Variants in ADAT1 observed in about 807,000 individuals in gnomAD.
ADAT1 encodes the protein tRNA-specific adenosine deaminase 1.
A neutral mutation model predicts 58.6 loss-of-function variants in ADAT1; 58 were observed. That is an observed-to-expected ratio of 0.99 (90% CI 0.80 to 1.23). The LOEUF (loss-of-function observed/expected upper bound fraction) is 1.23, where lower values mean the gene tolerates loss of function less well. Among genes scored for constraint, ADAT1 ranks in the 50% most tolerant of loss-of-function variants. The pLI, the probability that ADAT1 is intolerant of heterozygous loss-of-function variation, is 0.00. For missense variants in ADAT1, 741 were observed against 608.6 expected (o/e 1.22, Z -2.29); for synonymous variants, 254 against 220.8 (o/e 1.15, Z -1.33).
rs899807676 is a variant in ADAT1 at position 75,599,139 on chromosome 16, C to T, written c.*1077G>A. Reference sequence around the variant, plus strand: ...CTCTATCACCCAGGCTGGAGTGCAGCGGTACGATCTTTGCTCACCACTACC... The same window carrying T: ...CTCTATCACCCAGGCTGGAGTGCAGTGGTACGATCTTTGCTCACCACTACC... On this transcript the variant is annotated 3_prime_UTR_variant, in exon 10 of 10. Transcript: ENST00000564657. 3.9e-5 allele frequency: 38 copies of T among 962,376 alleles called. No homozygotes were observed. The highest frequency in any genetic ancestry group is 7.8e-5 in the African/African-American group (4 of 51,456). 59.6% of individuals were successfully genotyped at this position (962,376 alleles called of 1,614,324 possible). A position where few individuals can be genotyped will look rare whatever the true frequency, so the allele number is the denominator to read the frequency against.
At position 75,608,920 on chromosome 16, in the gene ADAT1, A is replaced by C; in HGVS notation, c.1112T>G (p.Leu371Ter). 6.2e-7 allele frequency: 1 copy of C among 1,614,250 alleles called. No individual in the cohort carries two copies. The highest frequency in any genetic ancestry group is 8.5e-7 in the Non-Finnish European group (1 of 1,180,044). ...CGCACTGCGGCTCTGTTCAAATAGT[A>C]AATCTGACTGCAGTATTTTTAATTC... ...VQELKILQSD[L>*]LFEQSRSAVQ... The change falls in exon 7 of 10, where the codon TTA (leucine) becomes TGA (stop). Residue 371 changes from leucine to a stop codon, truncating the protein, a stop_gained. Transcript: ENST00000564657. LOFTEE classifies it high-confidence loss of function.
intron 3 of ADAT1, among the ~76,000 whole-genome samples, chr16:75,619,400 T>C (rs1597141357): frequency 6.6e-6 from 1 of 151,980 alleles, no homozygotes; most frequent in East Asian, 1.9e-4. Flanking sequence ...TAGGTGTGCA[T>C]AGCTGTGCAC....
intron 8 of ADAT1, among the ~76,000 whole-genome samples, chr16:75,604,432 C>CA (rs869079388): frequency 0.012 from 96 of 7,936 alleles, 26 homozygotes; most frequent in African/African-American, 0.025. Flanking sequence ...GATTCTGTCT[C>CA]AAAAAAAAAA....
chr16:75,613,461 C>A (rs554025767), intron 5 of ADAT1, among the ~76,000 whole-genome samples: 3 of 152,250 alleles, frequency 2.0e-5, no homozygotes, highest in South Asian at 2.1e-4. Flanking sequence ...ATCACCACGA[C>A]TGGCTAATGT....
intron 9 of ADAT1, among the ~76,000 whole-genome samples, chr16:75,601,200 C>G (rs1034399840): frequency 2.0e-5 from 3 of 151,820 alleles, no homozygotes; most frequent in Non-Finnish European, 2.9e-5. Flanking sequence ...ATTAGCCGGG[C>G]GTGGTGGCAG....
chr16:75,599,783 A>T lies in ADAT1; in HGVS notation c.*433T>A, dbSNP rs1256376079. 1 of 992,672 alleles carries T rather than the reference A, an allele frequency of 1.0e-6. No homozygotes were observed. Among genetic ancestry groups the T allele is most frequent in the Non-Finnish European group, 1.2e-6 (1 of 834,380 alleles). The allele number at this position is 992,672 out of a possible 1,614,324, so 61.5% of individuals were successfully genotyped here. A position where few individuals can be genotyped will look rare whatever the true frequency, so the allele number is the denominator to read the frequency against. ...AGAATGGGAAAAGAATGGCTCCCTGAAGAAAGAAAGGCTGGGAATACAAAA... is the reference window on the plus strand; with the variant it reads ...AGAATGGGAAAAGAATGGCTCCCTGTAGAAAGAAAGGCTGGGAATACAAAA... On this transcript the variant is annotated 3_prime_UTR_variant, in exon 10 of 10. Transcript: ENST00000564657.
At chr16:75,621,833 C>A (rs2081937802) in intron 1 of ADAT1, among the ~76,000 whole-genome samples, 1 of 146,900 alleles carries the variant, frequency 6.8e-6, no homozygotes. Flanking sequence ...CTCATTTGGA[C>A]TCAATTATAC....
intron 7 of ADAT1, 58 bp from the exon 8 acceptor site, chr16:75,608,381 G>A: frequency 3.6e-6 from 5 of 1,388,284 alleles, no homozygotes; most frequent in Non-Finnish European, 5.1e-6. Context: ...AAAGTCAGAA[G>A]TATTTTAATA....
rs1455412448 is a variant in ADAT1, at chr16:75,598,948, C to A, written c.*1268G>T. 3 of 985,202 alleles carry A rather than the reference C, an allele frequency of 3.0e-6. No homozygotes were observed. Among genetic ancestry groups the A allele is most frequent in the African/African-American group, 1.7e-5 (1 of 57,208 alleles). 61.0% of individuals were successfully genotyped at this position (985,202 alleles called of 1,614,324 possible). ...AAGAACCAATAAGGACCTTGAGTAACCCCAACATGGGAGCTTCCATTTTCA... is the reference window on the plus strand; with the variant it reads ...AAGAACCAATAAGGACCTTGAGTAAACCCAACATGGGAGCTTCCATTTTCA... On this transcript the variant is annotated 3_prime_UTR_variant, in exon 10 of 10. Coordinates refer to ENST00000564657, the MANE Select transcript of ADAT1 (RefSeq NM_001324445.2).
rs1280978529 is a variant in ADAT1, at chr16:75,597,312, C to CAGAAGGCCATGTGA, written c.*2890_*2903dup. On this transcript the variant is annotated 3_prime_UTR_variant, in exon 10 of 10. Transcript: ENST00000564657. ...AAGAAGGCCATGCGAGACACAGACACAGAAGGCCATGTGAAGACGGAGGGA... is the reference window on the plus strand; with the variant it reads ...AAGAAGGCCATGCGAGACACAGACACAGAAGGCCATGTGAAGAAGGCCATGTGAAGACGGAGGGA... 3 of 432,276 alleles carry CAGAAGGCCATGTGA rather than the reference C, an allele frequency of 6.9e-6. No individual in the cohort carries two copies. The highest frequency in any genetic ancestry group is 3.6e-4 in the Middle Eastern group (1 of 2,752). 26.8% of individuals were successfully genotyped at this position (432,276 alleles called of 1,614,324 possible). A position where few individuals can be genotyped will look rare whatever the true frequency, so the allele number is the denominator to read the frequency against.
At chr16:75,600,445 T>C in intron 9 of ADAT1, 97 bp from the exon 10 acceptor site, 3 of 1,544,054 alleles carry the variant, frequency 1.9e-6, no homozygotes, top group Non-Finnish European at 1.7e-6. Flanking sequence ...AGACTTGTAA[T>C]GAGACTTAGG....
intron 6 of ADAT1, among the ~76,000 whole-genome samples, chr16:75,611,109 T>G (rs76398656): frequency 4.1e-4 from 63 of 152,248 alleles, no homozygotes; most frequent in Admixed American, 1.2e-3. Context: ...CAGTGAAACC[T>G]TGTCACTACA....
rs1461740605 is a variant in ADAT1 at position 75,608,257 on chromosome 16, G to C, written c.1256C>G (p.Thr419Arg). 3.1e-6 allele frequency: 5 copies of C among 1,614,066 alleles called. No individual in the cohort carries two copies. Among genetic ancestry groups the C allele is most frequent in the Non-Finnish European group, 4.2e-6 (5 of 1,179,976 alleles). Residue 419 changes from threonine (T) to arginine (R), a missense_variant, in exon 8 of 10, where the codon ACA becomes AGA. By Grantham distance (71) the Thr-to-Arg change is moderately conservative. Transcript: ENST00000564657. ...AAGGCTTCCAATTGTTTTCTTTGTTGTTCCCTGTGGAAAGCCATTGGCAGT... is the reference window on the plus strand; with the variant it reads ...AAGGCTTCCAATTGTTTTCTTTGTTCTTCCCTGTGGAAAGCCATTGGCAGT... ...DVTANGFPQG[T>R]TKKTIGSLQA...
intron 6 of ADAT1, among the ~76,000 whole-genome samples, chr16:75,609,444 G>A (rs2081459960): frequency 1.3e-5 from 2 of 151,948 alleles, no homozygotes; most frequent in Admixed American, 1.3e-4. Flanking sequence ...GCAACTGCAA[G>A]TACCAGAATA....
rs113188039 is a variant in ADAT1 at position 75,598,739 on chromosome 16, G to C, written c.*1477C>G. On this transcript the variant is annotated 3_prime_UTR_variant, in exon 10 of 10. Coordinates refer to ENST00000564657, the MANE Select transcript of ADAT1 (RefSeq NM_001324445.2). ...TCATCATGTTGGCCAGACTGGTCTC[G>C]AACTCCTGACCTCAGGTGATCTGCC... 7 of 235,690 alleles carry C rather than the reference G, an allele frequency of 3.0e-5. No individual in the cohort carries two copies. The highest frequency in any genetic ancestry group is 1.4e-5 in the Non-Finnish European group (2 of 145,136). The allele number at this position is 235,690 out of a possible 1,614,324, so 14.6% of individuals were successfully genotyped here. A position where few individuals can be genotyped will look rare whatever the true frequency, so the allele number is the denominator to read the frequency against.
intron 5 of ADAT1, 47 bp from the exon 6 acceptor site, chr16:75,612,908 C>T: frequency 1.9e-6 from 3 of 1,566,800 alleles, no homozygotes; most frequent in Non-Finnish European, 2.6e-6. Context: ...AAGTGAGGTC[C>T]CTGGACCAGC....
chr16:75,598,219 G>T lies in ADAT1; in HGVS notation c.*1997C>A. The stretch of plus-strand genomic sequence containing the variant: ...AGCCTCCTGAGTAGTTGGGACTATA[G>T]GCGTGCGCCAATACACCTGGCTAAT... On this transcript the variant is annotated 3_prime_UTR_variant, in exon 10 of 10. Coordinates refer to ENST00000564657, the MANE Select transcript of ADAT1 (RefSeq NM_001324445.2). 2.8e-6 allele frequency: 1 copy of T among 351,452 alleles called. No individual in the cohort carries two copies. Among genetic ancestry groups the T allele is most frequent in the Non-Finnish European group, 5.6e-6 (1 of 178,406 alleles). 21.8% of individuals were successfully genotyped at this position (351,452 alleles called of 1,614,324 possible).
chr16:75,599,460 C>G lies in ADAT1; in HGVS notation c.*756G>C. Reference sequence around the variant, plus strand: ...CAAACAGGCTTAATCAAAATAACAACAGGAATCTGTCTCACATAATTGAGA... The same window carrying G: ...CAAACAGGCTTAATCAAAATAACAAGAGGAATCTGTCTCACATAATTGAGA... On this transcript the variant is annotated 3_prime_UTR_variant, in exon 10 of 10. Transcript: ENST00000564657. 1 of 985,816 alleles carries G rather than the reference C, an allele frequency of 1.0e-6. No homozygotes were observed. Among genetic ancestry groups the G allele is most frequent in the Non-Finnish European group, 1.2e-6 (1 of 829,920 alleles). The allele number at this position is 985,816 out of a possible 1,614,324, so 61.1% of individuals were successfully genotyped here. A position where few individuals can be genotyped will look rare whatever the true frequency, so the allele number is the denominator to read the frequency against.
At chr16:75,611,011 G>A (rs2081514914) in intron 6 of ADAT1, among the ~76,000 whole-genome samples, 1 of 152,128 alleles carries the variant, frequency 6.6e-6, no homozygotes, top group South Asian at 2.1e-4. Flanking sequence ...CTATTCAGGA[G>A]GCTGAGGCAG....
Sources: gnomAD v4.1 joint callset for allele counts (sites outside exome capture counted in the v4.1 genomes callset) on GRCh38, gnomAD v4.1.1 for gene constraint, MANE v1.5 for transcripts, NCBI Gene and HGNC (gene_info 2026-07-23, HGNC 2026-07-21) for gene names.